The following KCNAB1 variants were observed in gnomAD, a reference collection of about 807,000 sequenced individuals.
KCNAB1 encodes the protein voltage-gated potassium channel subunit beta-1.
In KCNAB1, 35 loss-of-function variants were observed where a neutral mutation model predicts 64.6. The ratio of observed to expected loss-of-function variants is 0.54; its 90% CI spans 0.41 to 0.72. The LOEUF is 0.72. KCNAB1 is among the 30% of genes least tolerant of loss of function. KCNAB1 has a pLI of 0.00. For synonymous variants in KCNAB1, 177 were observed against 183.8 expected, an observed-to-expected ratio of 0.96 and a Z score of 0.30; for missense variants, 401 against 512.9, an observed-to-expected ratio of 0.78 and a Z score of 2.11.
At chr3:156,363,712 G>C (rs578203821) in intron 1 of KCNAB1, among the ~76,000 whole-genome samples, 195 of 152,210 alleles carry the variant, frequency 1.3e-3, no homozygotes, top group Non-Finnish European at 1.9e-3. Flanking sequence ...TCCTGACCTC[G>C]TAATCTGCCT....
At chr3:156,407,778 G>T (rs1277817547) in intron 1 of KCNAB1, among the ~76,000 whole-genome samples, 121 of 152,160 alleles carry the variant, frequency 8.0e-4, no homozygotes, top group Non-Finnish European at 4.4e-5. Context: ...ATCTCTTCCA[G>T]CCACATTGCT....
In KCNAB1 at chr3:156,514,948, C is replaced by T. The variant is rs1467210041; in HGVS notation, c.745-152C>T. 7 of 618,132 alleles carry T rather than the reference C, an allele frequency of 1.1e-5. No individual in the cohort carries two copies. In the South Asian group the frequency reaches 1.3e-4, roughly 11 times the overall value. The allele number at this position is 618,132 out of a possible 1,614,324, so 38.3% of individuals were successfully genotyped here. A position where few individuals can be genotyped will look rare whatever the true frequency, so the allele number is the denominator to read the frequency against. On this transcript the variant is annotated intron_variant, in intron 9 of 13. Coordinates refer to ENST00000490337, the MANE Select transcript of KCNAB1 (RefSeq NM_172160.3). ...CCTTTCATATTGCTCTTAGTGAAAT[C>T]GGTGGTGACAAATTTGCTTATTATT...
At chr3:156,407,613 C>T (rs143055038) in intron 1 of KCNAB1, among the ~76,000 whole-genome samples, 2,023 of 152,310 alleles carry the variant, frequency 0.013, 20 homozygotes, top group South Asian at 0.034. Flanking sequence ...TAGCTCCTTG[C>T]TCATAGCAGC....
intron 1 of KCNAB1, among the ~76,000 whole-genome samples, chr3:156,261,976 A>T (rs568489796): frequency 6.6e-6 from 1 of 151,974 alleles, no homozygotes; most frequent in African/African-American, 2.4e-5. Flanking sequence ...ATTCATTTTG[A>T]TGTTTTTATG....
intron 1 of KCNAB1, among the ~76,000 whole-genome samples, chr3:156,340,739 A>G (rs968799999): frequency 2.0e-5 from 3 of 152,214 alleles, no homozygotes; most frequent in African/African-American, 7.2e-5. Context: ...TGATCATCTC[A>G]ACAGATTGGT....
intron 8 of KCNAB1, among the ~76,000 whole-genome samples, chr3:156,510,530 G>A (rs936484587): frequency 3.9e-5 from 6 of 151,972 alleles, no homozygotes; most frequent in Non-Finnish European, 7.4e-5. Context: ...TTAATGTCCC[G>A]TGACCCTGAA....
chr3:156,374,689 C>G (rs913799974), intron 1 of KCNAB1, among the ~76,000 whole-genome samples: 1 of 134,670 alleles, frequency 7.4e-6, no homozygotes, highest in African/African-American at 3.3e-5. Context: ...ATGGCACAAA[C>G]TTCAGTTTCA....
intron 1 of KCNAB1, among the ~76,000 whole-genome samples, chr3:156,324,712 A>G (rs1029667479): frequency 2.0e-5 from 3 of 152,138 alleles, no homozygotes; most frequent in African/African-American, 4.8e-5. Flanking sequence ...TCATTTTTCA[A>G]TGGCTCTTTA....
At chr3:156,455,566 A>T (rs527930784) in intron 3 of KCNAB1, among the ~76,000 whole-genome samples, 8 of 111,436 alleles carry the variant, frequency 7.2e-5, no homozygotes, top group African/African-American at 4.3e-4. Context: ...TTTTATTTAC[A>T]TTTTTTTATC....
chr3:156,307,763 A>G (rs1721604882), intron 1 of KCNAB1, among the ~76,000 whole-genome samples: 1 of 152,138 alleles, frequency 6.6e-6, no homozygotes, highest in Non-Finnish European at 1.5e-5. Flanking sequence ...TTACTAAACT[A>G]TTGTTATTAA....
At chr3:156,409,721 G>A (rs1229209686) in intron 1 of KCNAB1, among the ~76,000 whole-genome samples, 1 of 152,186 alleles carries the variant, frequency 6.6e-6, no homozygotes, top group Non-Finnish European at 1.5e-5. Flanking sequence ...TGGCGCTCTA[G>A]TTAGACACCA....
In KCNAB1 at chr3:156,428,697, T is replaced by G. The variant is rs185699577; in HGVS notation, c.319+7038T>G. Among the ~76,000 whole-genome samples, 19 of 152,286 alleles carry G rather than the reference T, an allele frequency of 1.2e-4. No homozygotes were observed. In the East Asian group the frequency reaches 2.3e-3, roughly 19 times the overall value. ...AGTAAGGAGTAATGTGGTCACTTGC[T>G]CATTTTTCAGCTGAGCACATATTAA... On this transcript the variant is annotated intron_variant, in intron 2 of 13. Coordinates refer to ENST00000490337, the MANE Select transcript of KCNAB1 (RefSeq NM_172160.3).
At chr3:156,397,089 C>T (rs1713519709) in intron 1 of KCNAB1, among the ~76,000 whole-genome samples, 1 of 152,200 alleles carries the variant, frequency 6.6e-6, no homozygotes, top group East Asian at 1.9e-4. Flanking sequence ...CTACCAGAAA[C>T]TGCACAGGGT....
intron 1 of KCNAB1, among the ~76,000 whole-genome samples, chr3:156,407,917 T>G (rs921839157): frequency 6.6e-6 from 1 of 152,256 alleles, no homozygotes; most frequent in Non-Finnish European, 1.5e-5. Flanking sequence ...GTTAATTTCC[T>G]TCTGCTCTAT....
At chr3:156,369,846 T>C (rs1271491732) in intron 1 of KCNAB1, among the ~76,000 whole-genome samples, 1 of 152,242 alleles carries the variant, frequency 6.6e-6, no homozygotes, top group Admixed American at 6.5e-5. Flanking sequence ...ATCTTAATGA[T>C]ACTTTTGTGA....
At chr3:156,392,224 A>G (rs1713095055) in intron 1 of KCNAB1, among the ~76,000 whole-genome samples, 1 of 152,202 alleles carries the variant, frequency 6.6e-6, no homozygotes. Context: ...CCCAGTAGGA[A>G]AAACACCTTT....
At chr3:156,343,376 C>A (rs1211785258) in intron 1 of KCNAB1, among the ~76,000 whole-genome samples, 1 of 152,160 alleles carries the variant, frequency 6.6e-6, no homozygotes, top group African/African-American at 2.4e-5. Context: ...TGGCTTCTGG[C>A]CACAGATCCC....
intron 1 of KCNAB1, among the ~76,000 whole-genome samples, chr3:156,224,994 A>C (rs1716058243): frequency 6.6e-6 from 1 of 152,182 alleles, no homozygotes; most frequent in African/African-American, 2.4e-5. Flanking sequence ...CAGACATTCA[A>C]AGAAGAATTG....
intron 1 of KCNAB1, among the ~76,000 whole-genome samples, chr3:156,281,823 AT>A (rs1302524931): frequency 4.0e-5 from 6 of 149,376 alleles, no homozygotes; most frequent in Admixed American, 1.3e-4. Flanking sequence ...CCCCTTTATC[AT>A]TTTTTATTGC....
Sources: allele counts gnomAD v4.1 joint callset (sites outside exome capture counted in the v4.1 genomes callset), GRCh38; gene constraint gnomAD v4.1.1; transcripts MANE v1.5; gene names NCBI Gene and HGNC (gene_info 2026-07-23, HGNC 2026-07-21).